Variants in SENP5 observed in about 807,000 individuals in gnomAD.
SENP5 encodes sentrin-specific protease 5.
Under a neutral mutation model 74.2 loss-of-function variants are expected in SENP5, and 21 were observed. The ratio of observed to expected loss-of-function variants is 0.28; its 90% CI spans 0.20 to 0.41. SENP5 has a LOEUF of 0.41. SENP5 is among the 10% of genes least tolerant of loss of function. The pLI, the probability that SENP5 is intolerant of heterozygous loss-of-function variation, is 1.00. For missense variants in SENP5, 717 were observed against 889.1 expected, an observed-to-expected ratio of 0.81 and a Z score of 2.46; for synonymous variants, 311 against 312.7, an observed-to-expected ratio of 0.99 and a Z score of 0.06.
intron 6 of SENP5, among the ~76,000 whole-genome samples, chr3:196,915,383 A>G (rs939757031): frequency 1.3e-5 from 2 of 152,190 alleles, no homozygotes; most frequent in Admixed American, 6.5e-5. Flanking sequence ...GCTGAGCCAC[A>G]GTAAAATAAA....
At chr3:196,906,911 T>C (rs1560153166) in intron 6 of SENP5, among the ~76,000 whole-genome samples, 1 of 152,142 alleles carries the variant, frequency 6.6e-6, no homozygotes, top group Non-Finnish European at 1.5e-5. Flanking sequence ...TTCAGATTCA[T>C]GGTACTTTGA....
In SENP5 at chr3:196,885,308, A is replaced by G; in HGVS notation, c.127A>G (p.Lys43Glu). The change falls in exon 2 of 10, where the codon AAG becomes GAG. Residue 43 changes from lysine to glutamate, a missense_variant. By Grantham distance (56) the Lys-to-Glu change is moderately conservative. Transcript: ENST00000323460. ...FHQHLCILKA[K>E]LGRPVTWNRQ... ...CCAACACTTGTGCATTCTGAAAGCTAAGCTGGGAAGGCCAGTTACTTGGAA... is the reference window on the plus strand; with the variant it reads ...CCAACACTTGTGCATTCTGAAAGCTGAGCTGGGAAGGCCAGTTACTTGGAA... 3 of 1,614,204 alleles carry G rather than the reference A, an allele frequency of 1.9e-6. No individual in the cohort carries two copies. The highest frequency in any genetic ancestry group is 1.7e-6 in the Non-Finnish European group (2 of 1,180,022).
rs1279524521 is a variant in SENP5, at chr3:196,868,063, G to C, written c.-42G>C. The C allele has an allele frequency of 6.6e-6, 1 of 152,282 alleles. No individual in the cohort carries two copies. The highest frequency in any genetic ancestry group is 2.1e-4 in the South Asian group (1 of 4,838). 9.4% of individuals were successfully genotyped at this position (152,282 alleles called of 1,614,324 possible). Reference sequence around the variant, plus strand: ...CGGCGGCGGGGCAGCTGCCAGGAACGAGGGTAGCAGGTAAGCGGGGACGCG... The same window carrying C: ...CGGCGGCGGGGCAGCTGCCAGGAACCAGGGTAGCAGGTAAGCGGGGACGCG... On this transcript the variant is annotated 5_prime_UTR_variant, in exon 1 of 10. Coordinates refer to ENST00000323460, the MANE Select transcript of SENP5 (RefSeq NM_152699.5).
intron 7 of SENP5, among the ~76,000 whole-genome samples, chr3:196,926,963 G>T (rs1471280502): frequency 6.6e-6 from 1 of 152,080 alleles, no homozygotes; most frequent in Non-Finnish European, 1.5e-5. Flanking sequence ...TTTTGTTGGG[G>T]GGTGGGGTGG....
chr3:196,903,549 G>C lies in SENP5; in HGVS notation c.1823G>C (p.Ser608Thr). 6.2e-7 allele frequency: 1 copy of C among 1,609,918 alleles called. No homozygotes were observed. Among genetic ancestry groups the C allele is most frequent in the Non-Finnish European group, 8.5e-7 (1 of 1,178,104 alleles). ...AVPDKVHFFN[S>T]FFHRQLVTKG... is the part of the protein sequence containing the mutation. ...CTGTTCTAGGTTCACTTCTTCAACA[G>C]CTTTTTTCATAGACAGCTGGTAACC... Residue 608 changes from serine (S) to threonine (T), a missense_variant, in exon 6 of 10, where the codon AGC (serine) becomes ACC (threonine). Transcript: ENST00000323460.
chr3:196,875,060 A>G (rs916015812), intron 1 of SENP5, among the ~76,000 whole-genome samples: 1 of 152,196 alleles, frequency 6.6e-6, no homozygotes, highest in African/African-American at 2.4e-5. Context: ...CTAGCTGTAT[A>G]TATCCACTTG....
rs1396987435 is a variant in SENP5, at chr3:196,931,965, C to T, written c.*1042C>T. 2.7e-5 allele frequency: 12 copies of T among 447,756 alleles called. No homozygotes were observed. The highest frequency in any genetic ancestry group is 1.5e-4 in the Admixed American group (6 of 40,602). The allele number at this position is 447,756 out of a possible 1,614,324, so 27.7% of individuals were successfully genotyped here. ...TAGAGACAACTTAGTCCCATGGGAG[C>T]GCAGCAACCGTGTCAGGTTCTTTCT... is the stretch of plus-strand genomic sequence containing the variant. On this transcript the variant is annotated 3_prime_UTR_variant, in exon 10 of 10. Transcript: ENST00000323460.
chr3:196,894,528 C>T (rs559136361), intron 2 of SENP5, among the ~76,000 whole-genome samples: 6 of 145,768 alleles, frequency 4.1e-5, no homozygotes, highest in Non-Finnish European at 8.9e-5. Flanking sequence ...TATTTAGTTG[C>T]GAGTTCTTTT....
At chr3:196,904,707 T>C (rs897998165) in intron 6 of SENP5, among the ~76,000 whole-genome samples, 1 of 152,054 alleles carries the variant, frequency 6.6e-6, no homozygotes, top group Non-Finnish European at 1.5e-5. Context: ...GAGAATCGCT[T>C]GAACATGGGA....
At chr3:196,918,243 C>T (rs1274932951) in intron 6 of SENP5, among the ~76,000 whole-genome samples, 1 of 150,780 alleles carries the variant, frequency 6.6e-6, no homozygotes, top group Non-Finnish European at 1.5e-5. Flanking sequence ...GGAGGCGGAG[C>T]TTGCAGTGAG....
In SENP5 at chr3:196,931,284, A is replaced by C. The variant is rs146360666; in HGVS notation, c.*361A>C. 26 of 170,482 alleles carry C rather than the reference A, an allele frequency of 1.5e-4. No individual in the cohort carries two copies. In the East Asian group the frequency reaches 3.5e-3, roughly 23 times the overall value. 10.6% of individuals were successfully genotyped at this position (170,482 alleles called of 1,614,324 possible). A position where few individuals can be genotyped will look rare whatever the true frequency, so the allele number is the denominator to read the frequency against. On this transcript the variant is annotated 3_prime_UTR_variant, in exon 10 of 10. Transcript: ENST00000323460. The stretch of plus-strand genomic sequence containing the variant: ...AGACGTGAACTGAATACAGGTTTCA[A>C]ATTTACTCCCAGAACCTAAAAATGC...
At chr3:196,893,555 A>AT (rs1714303485) in intron 2 of SENP5, among the ~76,000 whole-genome samples, 2 of 152,074 alleles carry the variant, frequency 1.3e-5, no homozygotes, top group African/African-American at 2.4e-5. Context: ...TACAGTATGC[A>AT]TTTTTTCAGG....
Position 196,899,911 on chromosome 3 carries a change from CT to C in SENP5, c.1620-10del. On this transcript the variant is annotated splice_polypyrimidine_tract_variant and intron_variant, in intron 3 of 9. Coordinates refer to ENST00000323460, the MANE Select transcript of SENP5 (RefSeq NM_152699.5). ...TTTTTTTTACCTTTTGTTTCAAAAT[CT>C]TTCTCTTTCAGAAAACCATTTATCA... The C allele has an allele frequency of 6.2e-7, 1 of 1,611,024 alleles. No homozygotes were observed. The highest frequency in any genetic ancestry group is 8.5e-7 in the Non-Finnish European group (1 of 1,179,008).
chr3:196,898,664 C>T (rs575257514), intron 2 of SENP5, among the ~76,000 whole-genome samples: 52 of 151,972 alleles, frequency 3.4e-4, no homozygotes, highest in Middle Eastern at 3.2e-3. Context: ...CCTGTAATCC[C>T]AGCACTTTCT....
rs1716056501 is a variant in SENP5 at position 196,932,039 on chromosome 3, G to A, written c.*1116G>A. Reference sequence around the variant, plus strand: ...AACATGCAGGGTACGTCTGGCTTCTGCATGGCCAGTGCTGACACTAGCACA... The same window carrying A: ...AACATGCAGGGTACGTCTGGCTTCTACATGGCCAGTGCTGACACTAGCACA... On this transcript the variant is annotated 3_prime_UTR_variant, in exon 10 of 10. Coordinates refer to ENST00000323460, the MANE Select transcript of SENP5 (RefSeq NM_152699.5). 1.4e-5 allele frequency: 5 copies of A among 360,412 alleles called. 1 individual carries two copies. The highest frequency in any genetic ancestry group is 1.0e-4 in the South Asian group (5 of 48,458). 22.3% of individuals were successfully genotyped at this position (360,412 alleles called of 1,614,324 possible).
Position 196,899,647 on chromosome 3 carries a change from C to T in SENP5, c.1514-19C>T, listed in dbSNP as rs537298038. Reference sequence around the variant, plus strand: ...GGCTTGTTTTTCCATCTTAACTTTTCTTTCTTCCTTTATTTAAGGATTCCT... The same window carrying T: ...GGCTTGTTTTTCCATCTTAACTTTTTTTTCTTCCTTTATTTAAGGATTCCT... On this transcript the variant is annotated intron_variant, in intron 2 of 9. Coordinates refer to ENST00000323460, the MANE Select transcript of SENP5 (RefSeq NM_152699.5). The T allele has an allele frequency of 1.3e-6, 2 of 1,511,526 alleles. No homozygotes were observed. The highest frequency in any genetic ancestry group is 1.7e-5 in the Admixed American group (1 of 57,626). 93.6% of individuals were successfully genotyped at this position (1,511,526 alleles called of 1,614,324 possible).
In SENP5 at chr3:196,873,806, A is replaced by G. The variant is rs182804589; in HGVS notation, c.-32+5733A>G. Reference sequence around the variant, plus strand: ...GTGAGCTGAGATGTGCCACTGCACTATAGCCTGGGTGACATAGTGAGACTC... The same window carrying G: ...GTGAGCTGAGATGTGCCACTGCACTGTAGCCTGGGTGACATAGTGAGACTC... On this transcript the variant is annotated intron_variant, in intron 1 of 9. Coordinates refer to ENST00000323460, the MANE Select transcript of SENP5 (RefSeq NM_152699.5). Among the ~76,000 whole-genome samples, 13 of 152,242 alleles carry G rather than the reference A, an allele frequency of 8.5e-5. No individual in the cohort carries two copies. In the East Asian group the frequency reaches 2.3e-3, roughly 27 times the overall value.
At position 196,903,462 on chromosome 3, in the gene SENP5, T is replaced by G. The variant is rs1003421490; in HGVS notation, c.1807-71T>G. 11 of 945,160 alleles carry G rather than the reference T, an allele frequency of 1.2e-5. No individual in the cohort carries two copies. In the African/African-American group the frequency reaches 1.5e-4, roughly 13 times the overall value. 58.5% of individuals were successfully genotyped at this position (945,160 alleles called of 1,614,324 possible). A position where few individuals can be genotyped will look rare whatever the true frequency, so the allele number is the denominator to read the frequency against. On this transcript the variant is annotated intron_variant, in intron 5 of 9. Transcript: ENST00000323460. ...GCTTTACATTCAAACATTTTAAAATTTCCTCTTTTGAAGTTAAATCTGGGC... is the reference window on the plus strand; with the variant it reads ...GCTTTACATTCAAACATTTTAAAATGTCCTCTTTTGAAGTTAAATCTGGGC...
At chr3:196,926,639 C>CTTTT (rs1192258612) in intron 7 of SENP5, among the ~76,000 whole-genome samples, 2 of 126,676 alleles carry the variant, frequency 1.6e-5, no homozygotes, top group Admixed American at 8.1e-5. Flanking sequence ...TCCAGTCCAC[C>CTTTT]TTTTTTTTTT....
Sources: allele counts gnomAD v4.1 joint callset (sites outside exome capture counted in the v4.1 genomes callset), GRCh38; gene constraint gnomAD v4.1.1; transcripts MANE v1.5; gene names NCBI Gene and HGNC (gene_info 2026-07-23, HGNC 2026-07-21).